The following NECAB2 variants were observed in gnomAD, a reference collection of about 807,000 sequenced individuals.
The protein encoded by NECAB2 is N-terminal EF-hand calcium binding protein 2.
Under a neutral mutation model 51.9 loss-of-function variants are expected in NECAB2, and 68 were observed. The ratio of observed to expected loss-of-function variants is 1.31; its 90% CI spans 1.08 to 1.60. NECAB2 has a LOEUF of 1.60. Among genes scored for constraint, NECAB2 ranks in the 40% most tolerant of loss-of-function variants. The pLI, the probability that NECAB2 is intolerant of heterozygous loss-of-function variation, is 0.00. For synonymous variants in NECAB2, 329 were observed against 203.5 expected (o/e 1.62, Z -5.25); for missense variants, 854 against 490.3 (o/e 1.74, Z -7.00).
intron 5 of NECAB2, among the ~76,000 whole-genome samples, chr16:83,988,735 C>G (rs2151093823): frequency 6.6e-6 from 1 of 152,302 alleles, no homozygotes; most frequent in Non-Finnish European, 1.5e-5. Flanking sequence ...AGTTGTTCTA[C>G]AAATGAGTAA....
intron 9 of NECAB2, 84 bp downstream of exon 9, chr16:83,997,353 G>A: frequency 6.5e-7 from 1 of 1,543,344 alleles, no homozygotes; most frequent in Non-Finnish European, 8.9e-7. Context: ...CAATGCCCCT[G>A]ACCCCGCTCT....
At chr16:83,984,386 C>T (rs908152315) in intron 5 of NECAB2, among the ~76,000 whole-genome samples, 6 of 150,122 alleles carry the variant, frequency 4.0e-5, no homozygotes, top group Admixed American at 1.3e-4. Flanking sequence ...AAATCTAAAA[C>T]ATTGTTTGAC....
intron 5 of NECAB2, among the ~76,000 whole-genome samples, chr16:83,985,313 CAAAAAAAAAAAAAAAAAAAA>C (rs71148868): frequency 1.7e-4 from 5 of 30,160 alleles, no homozygotes; most frequent in Admixed American, 7.6e-4. Context: ...ATCTCTGTCT[CAAAAAAAAAAAAAAAAAAAA>C]AAAAAAAAAA....
At position 83,994,420 on chromosome 16, in the gene NECAB2, G is replaced by T. The variant is rs921693443; in HGVS notation, c.715G>T (p.Ala239Ser). ...AMEQGKTLPS[A>S]TEDAKEEGLE... is the part of the protein sequence containing the mutation. ...GGAACAAGGCAAGACCCTTCCATCT[G>T]GTGAGAGAAAGCGGGGGCCCTGGTG... Residue 239 changes from alanine to serine, a missense_variant and splice_region_variant, in exon 7 of 13, where the codon GCC becomes TCC. Physicochemically the swap from Ala to Ser is moderately conservative, Grantham distance 99. Coordinates refer to ENST00000305202, the MANE Select transcript of NECAB2 (RefSeq NM_019065.3). 2 of 1,614,028 alleles carry T rather than the reference G, an allele frequency of 1.2e-6. No individual in the cohort carries two copies. The highest frequency in any genetic ancestry group is 1.7e-6 in the Non-Finnish European group (2 of 1,179,902).
At chr16:83,971,896 C>T (rs184358156) in intron 1 of NECAB2, 20 of 594,014 alleles carry the variant, frequency 3.4e-5, no homozygotes, top group East Asian at 3.1e-4. Context: ...GTGTGTGTGT[C>T]AGCGTGGCTG....
intron 2 of NECAB2, among the ~76,000 whole-genome samples, chr16:83,972,655 A>G (rs561289055): frequency 6.6e-6 from 1 of 152,174 alleles, no homozygotes; most frequent in Non-Finnish European, 1.5e-5. Context: ...AGGTTAAGCA[A>G]TTTGCCCCAG....
At chr16:83,999,832 CAAGTAGAAGG>C (rs996565273) in intron 10 of NECAB2, among the ~76,000 whole-genome samples, 1 of 151,922 alleles carries the variant, frequency 6.6e-6, no homozygotes, top group Non-Finnish European at 1.5e-5. Flanking sequence ...AATGAGAGGA[CAAGTAGAAGG>C]AAGAAGAGGG....
chr16:83,979,764 A>G (rs1274595372), intron 3 of NECAB2, among the ~76,000 whole-genome samples: 1 of 144,958 alleles, frequency 6.9e-6, no homozygotes, highest in Non-Finnish European at 1.5e-5. Flanking sequence ...GTGGGGGTGC[A>G]GGGAGGACTC....
chr16:83,999,160 C>T (rs750060755), intron 10 of NECAB2, among the ~76,000 whole-genome samples: 2 of 152,166 alleles, frequency 1.3e-5, no homozygotes, highest in Non-Finnish European at 2.9e-5. Context: ...GCTTGAGTGA[C>T]AACAGCCTGA....
intron 6 of NECAB2, among the ~76,000 whole-genome samples, chr16:83,990,978 A>T (rs1461207925): frequency 6.6e-6 from 1 of 150,910 alleles, no homozygotes; most frequent in East Asian, 1.9e-4. Context: ...CCCACGTTTT[A>T]TTTATTTATT....
In NECAB2 at chr16:84,002,575, G is replaced by A. The variant is rs573333854; in HGVS notation, c.*229G>A. The A allele has an allele frequency of 7.5e-4, 458 of 608,162 alleles. 2 individuals carry two copies. Among genetic ancestry groups the A allele is most frequent in the African/African-American group, 2.2e-3 (119 of 53,868 alleles). 37.7% of individuals were successfully genotyped at this position (608,162 alleles called of 1,614,324 possible). On this transcript the variant is annotated 3_prime_UTR_variant, in exon 13 of 13. Transcript: ENST00000305202. Reference sequence around the variant, plus strand: ...GGTGAAGCCCAAGGTTGAAGGGGGCGGCTTCCTGGAGCCAGCACCCCTGCC... The same window carrying A: ...GGTGAAGCCCAAGGTTGAAGGGGGCAGCTTCCTGGAGCCAGCACCCCTGCC...
At chr16:83,978,329 C>A in intron 2 of NECAB2, 115 bp from the exon 3 acceptor site, 3 of 749,058 alleles carry the variant, frequency 4.0e-6, no homozygotes, top group South Asian at 3.4e-5. Context: ...ATTATCTGAG[C>A]TGCAGTTGTT....
rs1415656119 is a variant in NECAB2, at chr16:83,994,638, G to A, written c.745G>A (p.Glu249Lys). 1 of 1,614,160 alleles carries A rather than the reference G, an allele frequency of 6.2e-7. No homozygotes were observed. The highest frequency in any genetic ancestry group is 1.3e-5 in the African/African-American group (1 of 75,074). ...ATEDAKEEGL[E>K]AQISRLAELI... ...GGAGGATGCAAAGGAAGAGGGTCTGGAAGCCCAGATCAGCCGCTTGGCAGA... is the reference window on the plus strand; with the variant it reads ...GGAGGATGCAAAGGAAGAGGGTCTGAAAGCCCAGATCAGCCGCTTGGCAGA... The change falls in exon 8 of 13, where the codon GAA becomes AAA. Residue 249 changes from glutamate to lysine, a missense_variant. Transcript: ENST00000305202.
chr16:83,994,772 C>T, intron 8 of NECAB2, 84 bp downstream of exon 8: 1 of 1,488,786 alleles, frequency 6.7e-7, no homozygotes, highest in East Asian at 2.3e-5. Flanking sequence ...GGACAAAAGT[C>T]TGGGCTGCAG....
chr16:83,966,591 C>T (rs968561816), upstream of NECAB2, among the ~76,000 whole-genome samples: 9 of 152,034 alleles, frequency 5.9e-5, no homozygotes, highest in Non-Finnish European at 1.2e-4. Flanking sequence ...GCGCTGCAGC[C>T]CCGCCCCCTC....
intron 12 of NECAB2, 85 bp from the exon 13 acceptor site, chr16:84,002,233 G>A (rs1995866): frequency 0.14 from 214,413 of 1,514,460 alleles, 24,114 homozygotes; most frequent in African/African-American, 0.61. Flanking sequence ...GCCATCCCCC[G>A]ACCTGTCATT....
At chr16:84,000,216 A>G (rs944258340) in intron 10 of NECAB2, among the ~76,000 whole-genome samples, 1 of 152,214 alleles carries the variant, frequency 6.6e-6, no homozygotes, top group African/African-American at 2.4e-5. Context: ...GGTTTTGTTT[A>G]AATAAATGTT....
At chr16:83,990,362 C>T (rs8063020) in intron 5 of NECAB2, 132 bp from the exon 6 acceptor site, 76,255 of 1,159,884 alleles carry the variant, frequency 0.066, 4,839 homozygotes, top group African/African-American at 0.31. Context: ...CCCCAGGAGG[C>T]CGTGGGGTCC....
Position 83,968,508 on chromosome 16 carries a change from C to T in NECAB2, c.-141C>T, listed in dbSNP as rs959947613. The T allele has an allele frequency of 1.5e-6, 1 of 652,006 alleles. No homozygotes were observed. Among genetic ancestry groups the T allele is most frequent in the African/African-American group, 2.0e-5 (1 of 50,046 alleles). The allele number at this position is 652,006 out of a possible 1,614,324, so 40.4% of individuals were successfully genotyped here. The stretch of plus-strand genomic sequence containing the variant: ...GGCCCGCCCCCCGGCGCCGGCCAGT[C>T]CCCGCGGTGTCCGCGGCCGCGGGGG... On this transcript the variant is annotated 5_prime_UTR_variant, in exon 1 of 13. Coordinates refer to ENST00000305202, the MANE Select transcript of NECAB2 (RefSeq NM_019065.3).
Sources: gnomAD v4.1 joint callset for allele counts (sites outside exome capture counted in the v4.1 genomes callset) on GRCh38, gnomAD v4.1.1 for gene constraint, MANE v1.5 for transcripts, NCBI Gene and HGNC (gene_info 2026-07-23, HGNC 2026-07-21) for gene names.